Variants in GRIK4 observed in about 807,000 individuals in gnomAD.
GRIK4 encodes the protein glutamate receptor ionotropic, kainate 4.
A neutral mutation model predicts 104.9 loss-of-function variants in GRIK4; 40 were observed. The observed-to-expected ratio is 0.38, with a 90% CI of 0.30 to 0.50. The LOEUF is 0.50. Among genes scored for constraint, GRIK4 ranks in the 20% least tolerant of loss-of-function variants. The pLI, the probability that GRIK4 is intolerant of heterozygous loss-of-function variation, is 0.93. For missense variants in GRIK4, 1,047 were observed against 1,308.1 expected (o/e 0.80, Z 3.08); for synonymous variants, 485 against 524.9 (o/e 0.92, Z 1.04).
At position 120,905,475 on chromosome 11, in the gene GRIK4, C is replaced by G. The variant is rs150333061; in HGVS notation, c.1458C>G (p.Val486=). ...PEANGTWTGM[V]GELIARKADL... ...CCAACGGCACCTGGACGGGAATGGT[C>G]GGGGAGCTGATCGCTAGGGTAAGGA... Residue 486 remains valine, a synonymous_variant, in exon 13 of 21, where the codon GTC becomes GTG. Transcript: ENST00000527524. This position sits in a 1 kb window ranked among gnomAD's most constrained non-coding sequence, Gnocchi z 5.1. 1 of 1,346,114 alleles carries G rather than the reference C, an allele frequency of 7.4e-7. No homozygotes were observed. The highest frequency in any genetic ancestry group is 9.8e-7 in the Non-Finnish European group (1 of 1,015,954). The allele number at this position is 1,346,114 out of a possible 1,614,324, so 83.4% of individuals were successfully genotyped here.
intron 3 of GRIK4, among the ~76,000 whole-genome samples, chr11:120,704,296 T>C (rs560049999): frequency 2.0e-4 from 30 of 152,350 alleles, no homozygotes; most frequent in African/African-American, 6.0e-4. Context: ...TTTTACTCAC[T>C]GTTGTCCTCC....
rs1243095559 is a variant in GRIK4 at position 120,903,260 on chromosome 11, T to C, written c.1273-2030T>C. Among the ~76,000 whole-genome samples the C allele has an allele frequency of 1.3e-5, 2 of 152,146 alleles. No individual in the cohort carries two copies. The highest frequency in any genetic ancestry group is 6.5e-5 in the Admixed American group (1 of 15,278). ...TCTGCAGCCGGGCCTTGGTAATCCCTGAGCCCAGCTCTCCTCTGTCCCTGT... is the reference window on the plus strand; with the variant it reads ...TCTGCAGCCGGGCCTTGGTAATCCCCGAGCCCAGCTCTCCTCTGTCCCTGT... On this transcript the variant is annotated intron_variant, in intron 12 of 20. Transcript: ENST00000527524. The surrounding 1 kb of genome is among the most constrained non-coding windows in gnomAD (Gnocchi z 4.4).
At chr11:120,772,855 A>G (rs975904998) in intron 3 of GRIK4, among the ~76,000 whole-genome samples, 1 of 152,044 alleles carries the variant, frequency 6.6e-6, no homozygotes, top group Non-Finnish European at 1.5e-5. Flanking sequence ...TGGTGCATTC[A>G]TTCATTCATT....
intron 12 of GRIK4, among the ~76,000 whole-genome samples, chr11:120,904,400 G>GGA (rs1942818920): frequency 6.6e-6 from 1 of 152,170 alleles, no homozygotes; most frequent in African/African-American, 2.4e-5. Flanking sequence ...TCCTTTCTGT[G>GGA]CCTCTTACAT....
chr11:120,977,230 A>G (rs1362025879), intron 19 of GRIK4, among the ~76,000 whole-genome samples: 2 of 152,174 alleles, frequency 1.3e-5, no homozygotes, highest in East Asian at 1.9e-4. Flanking sequence ...CAGAGACTCA[A>G]GTGTCAGGAG....
At chr11:120,962,823 G>GTT (rs11306910) in intron 18 of GRIK4, 142 bp downstream of exon 18, 998 of 450,514 alleles carry the variant, frequency 2.2e-3, no homozygotes, top group Middle Eastern at 5.3e-3. Context: ...GCATTCTAAA[G>GTT]TTTTTTTTTT....
chr11:120,781,310 T>G (rs1952152030), intron 3 of GRIK4, among the ~76,000 whole-genome samples: 1 of 152,136 alleles, frequency 6.6e-6, no homozygotes, highest in Admixed American at 6.5e-5. Flanking sequence ...ACAAAAATTG[T>G]GGGCATGGGG....
At position 120,986,191 on chromosome 11, in the gene GRIK4, G is replaced by A; in HGVS notation, c.2802G>A (p.Arg934=). The part of the protein sequence containing the change: ...ECRRFQGLRA[R]PSPARSEESL... ...GCCGCTTCCAGGGCCTGCGGGCACG[G>A]CCGTCGCCCGCCCGCAGCGAGGAGA... The change falls in exon 21 of 21, where the codon CGG becomes CGA. Residue 934 remains arginine, a synonymous_variant. Coordinates refer to ENST00000527524, the MANE Select transcript of GRIK4 (RefSeq NM_014619.5). 6.4e-7 allele frequency: 1 copy of A among 1,565,906 alleles called. No individual in the cohort carries two copies. Among genetic ancestry groups the A allele is most frequent in the South Asian group, 1.1e-5 (1 of 87,430 alleles).
intron 3 of GRIK4, among the ~76,000 whole-genome samples, chr11:120,759,564 C>T (rs1591877029): frequency 6.6e-6 from 1 of 151,794 alleles, no homozygotes; most frequent in African/African-American, 2.4e-5. Flanking sequence ...AGTCTTCCCT[C>T]AAGTCTTAAT....
intron 4 of GRIK4, among the ~76,000 whole-genome samples, chr11:120,808,849 G>C (rs983512004): frequency 6.6e-6 from 1 of 152,128 alleles, no homozygotes; most frequent in Non-Finnish European, 1.5e-5. Flanking sequence ...AAGTGCTTCC[G>C]TGTGAAGGAC....
intron 19 of GRIK4, among the ~76,000 whole-genome samples, chr11:120,974,204 G>A (rs188110903): frequency 2.8e-4 from 42 of 152,252 alleles, no homozygotes; most frequent in African/African-American, 4.6e-4. Context: ...CACCACACCC[G>A]GGCTTTAAGT....
At position 120,831,969 on chromosome 11, in the gene GRIK4, A is replaced by G; in HGVS notation, c.629A>G (p.Asp210Gly). The change falls in exon 7 of 21, where the codon GAC becomes GGC. Residue 210 changes from aspartate (D) to glycine (G), a missense_variant. By Grantham distance (94) the Asp-to-Gly change is moderately conservative. Coordinates refer to ENST00000527524, the MANE Select transcript of GRIK4 (RefSeq NM_014619.5). Reference protein sequence around the residue: ...PTPLLKEIRDDKTATIIIHAN... With the variant: ...PTPLLKEIRDGKTATIIIHAN... ...CCGCTCCTCAAGGAGATCCGGGACG[A>G]CAAGACCGCCACCATCATCATCCAC... 1 of 1,613,906 alleles carries G rather than the reference A, an allele frequency of 6.2e-7. No homozygotes were observed. Among genetic ancestry groups the G allele is most frequent in the Non-Finnish European group, 8.5e-7 (1 of 1,179,948 alleles).
At chr11:120,768,522 T>C (rs1405538147) in intron 3 of GRIK4, among the ~76,000 whole-genome samples, 1 of 152,136 alleles carries the variant, frequency 6.6e-6, no homozygotes, top group East Asian at 1.9e-4. Context: ...TGGATGCCTT[T>C]TTATTTTTAT....
At chr11:120,896,097 A>G (rs745945602) in intron 11 of GRIK4, among the ~76,000 whole-genome samples, 1 of 152,220 alleles carries the variant, frequency 6.6e-6, no homozygotes, top group Non-Finnish European at 1.5e-5. Flanking sequence ...GGGCACAAGC[A>G]TAAGTATAAG....
In GRIK4 at chr11:120,617,725, G is replaced by A. The variant is rs181779206; in HGVS notation, c.-158-35960G>A. On this transcript the variant is annotated intron_variant, in intron 1 of 20. Coordinates refer to ENST00000527524, the MANE Select transcript of GRIK4 (RefSeq NM_014619.5). Reference sequence around the variant, plus strand: ...CCTCCCCCACTCTTCCTCCTGCTCCGGCTGTGTGAAGTGCTCACTCCTCCT... The same window carrying A: ...CCTCCCCCACTCTTCCTCCTGCTCCAGCTGTGTGAAGTGCTCACTCCTCCT... Among the ~76,000 whole-genome samples the A allele has an allele frequency of 1.1e-4, 16 of 152,152 alleles. No individual in the cohort carries two copies. The East Asian group carries it at 1.7e-3, about 17-fold the overall frequency.
chr11:120,633,466 G>GACAAAGC (rs1949356178), intron 1 of GRIK4, among the ~76,000 whole-genome samples: 1 of 152,188 alleles, frequency 6.6e-6, no homozygotes, highest in Non-Finnish European at 1.5e-5. Flanking sequence ...GCATGCACCT[G>GACAAAGC]CTTTGAAAGC....
In GRIK4 at chr11:120,793,342, G is replaced by T. The variant is rs965294872; in HGVS notation, c.83-9351G>T. Among the ~76,000 whole-genome samples, 10 of 152,246 alleles carry T rather than the reference G, an allele frequency of 6.6e-5. No homozygotes were observed. In the South Asian group the frequency reaches 2.1e-3, roughly 32 times the overall value. ...GGGCACAGCTGGTCAGGGTGGTCAG[G>T]GGAGGGTCTGCATAGGAGGGGCGGG... On this transcript the variant is annotated intron_variant, in intron 3 of 20. Coordinates refer to ENST00000527524, the MANE Select transcript of GRIK4 (RefSeq NM_014619.5).
At chr11:120,559,114 C>T (rs184732799) in intron 1 of GRIK4, among the ~76,000 whole-genome samples, 2 of 152,292 alleles carry the variant, frequency 1.3e-5, no homozygotes, top group East Asian at 3.9e-4. Flanking sequence ...AGGACCCTTT[C>T]TTGAGAAGCC....
chr11:120,731,120 G>A (rs186024295), intron 3 of GRIK4, among the ~76,000 whole-genome samples: 52 of 152,192 alleles, frequency 3.4e-4, no homozygotes, highest in Non-Finnish European at 4.1e-4. Flanking sequence ...AGTGGGGATG[G>A]TGGGCATCCT....
Sources: allele counts gnomAD v4.1 joint callset (sites outside exome capture counted in the v4.1 genomes callset), GRCh38; gene constraint gnomAD v4.1.1; non-coding constraint Gnocchi (gnomAD v3.1); transcripts MANE v1.5; gene names NCBI Gene and HGNC (gene_info 2026-07-23, HGNC 2026-07-21).